Variants in MALRD1 observed in about 807,000 individuals in gnomAD.
The protein encoded by MALRD1 is MAM and LDL-receptor class A domain-containing protein 1.
A neutral mutation model predicts 242.1 loss-of-function variants in MALRD1; 247 were observed. The ratio of observed to expected loss-of-function variants is 1.02; its 90% CI spans 0.92 to 1.13. The LOEUF (loss-of-function observed/expected upper bound fraction) is 1.13. MALRD1 is among the 50% of genes most tolerant of loss of function. The probability of loss-of-function intolerance (pLI) is 0.00; values close to 1 mark genes in which losing one functional copy is unlikely to be tolerated. For missense variants in MALRD1, 2,989 were observed against 2,533.1 expected, an observed-to-expected ratio of 1.18 and a Z score of -3.86; for synonymous variants, 995 against 866.6, an observed-to-expected ratio of 1.15 and a Z score of -2.60.
intron 28 of MALRD1, among the ~76,000 whole-genome samples, chr10:19,431,341 T>C (rs1483348516): frequency 7.4e-6 from 1 of 134,752 alleles, no homozygotes; most frequent in Non-Finnish European, 1.6e-5. Context: ...TCTAATTCAT[T>C]AGTATAGTTT....
In MALRD1 at chr10:19,351,414, G is replaced by A. The variant is rs143950955; in HGVS notation, c.4150-592G>A. Among the ~76,000 whole-genome samples the A allele has an allele frequency of 4.5e-3, 678 of 152,116 alleles. 3 individuals are homozygous for A. The highest frequency in any genetic ancestry group is 0.015 in the African/African-American group (640 of 41,482). On this transcript the variant is annotated intron_variant, in intron 25 of 39. Transcript: ENST00000454679. ...TAATTTTTACTCAAAGAAAAGCTCC[G>A]TGGGTTGCTCTGTGAAGGCCCATTT... is the stretch of plus-strand genomic sequence containing the variant.
At chr10:19,586,889 C>T (rs767665533) in intron 33 of MALRD1, among the ~76,000 whole-genome samples, 1 of 152,206 alleles carries the variant, frequency 6.6e-6, no homozygotes, top group Admixed American at 6.5e-5. Context: ...CTCCGTGGGC[C>T]TAGGACACTC....
intron 29 of MALRD1, among the ~76,000 whole-genome samples, chr10:19,483,624 T>C (rs531509868): frequency 6.6e-6 from 1 of 152,250 alleles, no homozygotes; most frequent in Non-Finnish European, 1.5e-5. Context: ...TGGTTACTAT[T>C]AGAAAGCCAA....
At chr10:19,166,193 T>A (rs1372038513) in intron 13 of MALRD1, among the ~76,000 whole-genome samples, 2 of 152,196 alleles carry the variant, frequency 1.3e-5, no homozygotes, top group African/African-American at 2.4e-5. Context: ...GATTATATGA[T>A]GTAGTGAAAA....
intron 2 of MALRD1, among the ~76,000 whole-genome samples, chr10:19,069,858 G>A (rs1476674367): frequency 6.6e-6 from 1 of 151,288 alleles, no homozygotes; most frequent in Non-Finnish European, 1.5e-5. Flanking sequence ...TCGTACTTAT[G>A]TTAACTAAAC....
intron 11 of MALRD1, among the ~76,000 whole-genome samples, chr10:19,149,677 A>AT (rs1160758024): frequency 2.0e-5 from 3 of 151,912 alleles, no homozygotes; most frequent in East Asian, 3.9e-4. Flanking sequence ...TATTTTTTTC[A>AT]TTTTTTATGA....
At chr10:19,406,652 AT>A (rs1271969167) in intron 28 of MALRD1, among the ~76,000 whole-genome samples, 6 of 152,180 alleles carry the variant, frequency 3.9e-5, no homozygotes, top group African/African-American at 1.4e-4. Context: ...GAAAACGAAA[AT>A]GTTTGTTTTT....
rs565176274 is a variant in MALRD1, at chr10:19,397,855, C to T, written c.4845+8246C>T. Among the ~76,000 whole-genome samples, 9 of 151,884 alleles carry T rather than the reference C, an allele frequency of 5.9e-5. No individual in the cohort carries two copies. In the South Asian group the frequency reaches 1.9e-3, roughly 32 times the overall value. On this transcript the variant is annotated intron_variant, in intron 28 of 39. Transcript: ENST00000454679. Reference sequence around the variant, plus strand: ...TTTTGATAATAGCCATTCTAACAGGCATGAGGTGATATCCATCATGGTTTT... The same window carrying T: ...TTTTGATAATAGCCATTCTAACAGGTATGAGGTGATATCCATCATGGTTTT...
At chr10:19,406,658 G>T (rs1437500868) in intron 28 of MALRD1, among the ~76,000 whole-genome samples, 1 of 152,054 alleles carries the variant, frequency 6.6e-6, no homozygotes, top group African/African-American at 2.4e-5. Flanking sequence ...GAAAATGTTT[G>T]TTTTTAAAGC....
intron 32 of MALRD1, among the ~76,000 whole-genome samples, chr10:19,558,019 A>C (rs1835803550): frequency 6.6e-6 from 1 of 152,014 alleles, no homozygotes; most frequent in Non-Finnish European, 1.5e-5. Context: ...GCTAATATAA[A>C]TTTTATTGTT....
intron 28 of MALRD1, among the ~76,000 whole-genome samples, chr10:19,399,788 T>G (rs930962893): frequency 1.3e-5 from 2 of 152,230 alleles, no homozygotes; most frequent in African/African-American, 4.8e-5. Flanking sequence ...ACTTACATTT[T>G]CTAGATTAGT....
chr10:19,321,216 C>T (rs990913111), intron 21 of MALRD1, among the ~76,000 whole-genome samples: 4 of 152,056 alleles, frequency 2.6e-5, no homozygotes, highest in African/African-American at 4.8e-5. Flanking sequence ...ATAAAATTGG[C>T]TATTCCTGTC....
At chr10:19,322,387 C>T (rs1468452726) in intron 21 of MALRD1, among the ~76,000 whole-genome samples, 1 of 152,114 alleles carries the variant, frequency 6.6e-6, no homozygotes, top group Non-Finnish European at 1.5e-5. Context: ...GTTTGCATGA[C>T]ACTACTTATT....
chr10:19,702,170 C>T (rs1004586160), intron 38 of MALRD1, among the ~76,000 whole-genome samples: 1 of 152,102 alleles, frequency 6.6e-6, no homozygotes, highest in African/African-American at 2.4e-5. Flanking sequence ...TAGATATGAA[C>T]TTAAAGATGC....
intron 29 of MALRD1, among the ~76,000 whole-genome samples, chr10:19,456,200 C>T (rs1835640183): frequency 6.6e-6 from 1 of 152,050 alleles, no homozygotes; most frequent in African/African-American, 2.4e-5. Flanking sequence ...CTCACACCCC[C>T]CGAATAATCT....
intron 5 of MALRD1, among the ~76,000 whole-genome samples, chr10:19,117,445 G>T (rs1055052010): frequency 6.6e-6 from 1 of 150,572 alleles, no homozygotes; most frequent in African/African-American, 2.5e-5. Flanking sequence ...AGTACTTCTG[G>T]GTTTTTTTTT....
At chr10:19,449,580 T>C (rs1835205693) in intron 28 of MALRD1, among the ~76,000 whole-genome samples, 1 of 152,160 alleles carries the variant, frequency 6.6e-6, no homozygotes, top group Admixed American at 6.5e-5. Flanking sequence ...TGAAGTCAAA[T>C]AAAATATAGA....
At chr10:19,341,152 C>A (rs1843829388) in intron 24 of MALRD1, among the ~76,000 whole-genome samples, 1 of 151,984 alleles carries the variant, frequency 6.6e-6, no homozygotes, top group East Asian at 1.9e-4. Flanking sequence ...TTACAACTTT[C>A]TCTCTGTTTT....
intron 14 of MALRD1, among the ~76,000 whole-genome samples, chr10:19,180,274 A>C (rs1010396866): frequency 9.9e-5 from 15 of 152,224 alleles, no homozygotes; most frequent in Non-Finnish European, 2.9e-5. Flanking sequence ...GCTGAGTGCT[A>C]ATACATTGGC....
Sources: gnomAD v4.1 joint callset for allele counts (sites outside exome capture counted in the v4.1 genomes callset) on GRCh38, gnomAD v4.1.1 for gene constraint, MANE v1.5 for transcripts, NCBI Gene and HGNC (gene_info 2026-07-23, HGNC 2026-07-21) for gene names.